Variants in AOPEP observed in about 807,000 individuals in gnomAD.
The protein encoded by AOPEP is aminopeptidase O (putative).
In AOPEP, 77 loss-of-function variants were observed where a neutral mutation model predicts 98.1. The ratio of observed to expected loss-of-function variants is 0.78; its 90% CI spans 0.65 to 0.95. The LOEUF is 0.95. AOPEP is among the 40% of genes least tolerant of loss of function. The pLI, the probability that AOPEP is intolerant of heterozygous loss-of-function variation, is 0.00. For synonymous variants in AOPEP, 346 were observed against 365.3 expected (o/e 0.95, Z 0.60); for missense variants, 1,024 against 1,024.7 (o/e 1.00, Z 0.01).
intron 9 of AOPEP, among the ~76,000 whole-genome samples, chr9:94,956,306 T>G (rs957459709): frequency 3.3e-5 from 5 of 152,226 alleles, no homozygotes; most frequent in Non-Finnish European, 7.3e-5. Context: ...TTTGGAAGAC[T>G]GCCTCCTTCT....
At chr9:94,838,110 G>A (rs10993365) in intron 5 of AOPEP, among the ~76,000 whole-genome samples, 48,733 of 151,848 alleles carry the variant, frequency 0.32, 8,695 homozygotes, top group Non-Finnish European at 0.42. Flanking sequence ...CTGGGTTCAC[G>A]CCATTCTCCT....
rs187271395 is a variant in AOPEP at position 94,738,582 on chromosome 9, A to T, written c.-136+11831A>T. ...CACGAGAAAAAAAATTATTATTATT[A>T]TTTTTTTTTGAGATGGAGTCTCGCT... On this transcript the variant is annotated intron_variant, in intron 1 of 16. Coordinates refer to ENST00000375315, the MANE Select transcript of AOPEP (RefSeq NM_001193329.3). Among the ~76,000 whole-genome samples the T allele has an allele frequency of 4.6e-3, 703 of 151,352 alleles. 1 individual carries two copies. Among genetic ancestry groups the T allele is most frequent in the Admixed American group, 7.5e-3 (114 of 15,184 alleles).
At chr9:95,111,109 G>A in the AOPEP span, 1 of 1,524,234 alleles carries the variant, frequency 6.6e-7, no homozygotes, top group Non-Finnish European at 8.8e-7. Flanking sequence ...TCTGCTGCCG[G>A]CACACCCCTC....
At chr9:94,949,624 A>G (rs1385455006) in intron 7 of AOPEP, among the ~76,000 whole-genome samples, 1 of 152,238 alleles carries the variant, frequency 6.6e-6, no homozygotes, top group Non-Finnish European at 1.5e-5. Context: ...TGAAAAGCAT[A>G]CAGACAGTCA....
rs372211235 is a variant in AOPEP, at chr9:94,990,590, C to T, written c.1977+11163C>T. Among the ~76,000 whole-genome samples the T allele has an allele frequency of 1.5e-3, 224 of 150,912 alleles. 1 individual carries two copies. The highest frequency in any genetic ancestry group is 5.0e-3 in the African/African-American group (205 of 40,962). Reference sequence around the variant, plus strand: ...TAAAGACATACTCTGGTAGACTCTTCGTCAAAAGCAGATTATTTAATTTAA... The same window carrying T: ...TAAAGACATACTCTGGTAGACTCTTTGTCAAAAGCAGATTATTTAATTTAA... On this transcript the variant is annotated intron_variant, in intron 11 of 16. Transcript: ENST00000375315.
intron 5 of AOPEP, chr9:94,920,323 C>CAA (rs910289482): frequency 2.1e-5 from 3 of 146,332 alleles, no homozygotes; most frequent in Non-Finnish European, 4.5e-5. Flanking sequence ...AACTCCGTCT[C>CAA]AAAAAAAAAA....
the AOPEP span, among the ~76,000 whole-genome samples, chr9:95,094,232 C>T: frequency 6.6e-6 from 1 of 152,092 alleles, no homozygotes; most frequent in African/African-American, 2.4e-5. Flanking sequence ...AGTGTGGATC[C>T]CTGCAGTCTG....
intron 10 of AOPEP, among the ~76,000 whole-genome samples, chr9:94,978,178 C>A (rs2059967553): frequency 6.6e-6 from 1 of 152,112 alleles, no homozygotes; most frequent in African/African-American, 2.4e-5. Flanking sequence ...GTGTGTGTAA[C>A]ACTGTATCTT....
At chr9:94,795,330 G>A (rs536729358) in intron 4 of AOPEP, among the ~76,000 whole-genome samples, 21 of 152,050 alleles carry the variant, frequency 1.4e-4, no homozygotes, top group Non-Finnish European at 2.4e-4. Context: ...ATTATTGACT[G>A]GAGTGTGTTG....
chr9:94,864,262 C>T (rs374567775), intron 5 of AOPEP, among the ~76,000 whole-genome samples: 2 of 152,068 alleles, frequency 1.3e-5, no homozygotes, highest in South Asian at 2.1e-4. Flanking sequence ...AATAAATGAA[C>T]GAAATAATTA....
chr9:94,966,932 G>T (rs933265696), intron 9 of AOPEP, among the ~76,000 whole-genome samples: 2 of 152,190 alleles, frequency 1.3e-5, no homozygotes, highest in African/African-American at 4.8e-5. Context: ...TGCTTTTGTG[G>T]TATGTTTTAA....
At position 94,927,085 on chromosome 9, in the gene AOPEP, G is replaced by A. The variant is rs574594749; in HGVS notation, c.1555-1340G>A. On this transcript the variant is annotated intron_variant, in intron 6 of 16. Transcript: ENST00000375315. ...CAAGGTGCCAGCAGGGTTGGTTTCT[G>A]GTGAGGCCCCTCACTCTTCCTGGCT... Among the ~76,000 whole-genome samples, 3 of 152,288 alleles carry A rather than the reference G, an allele frequency of 2.0e-5. No individual in the cohort carries two copies. In the East Asian group the frequency reaches 5.8e-4, roughly 29 times the overall value.
At chr9:95,102,914 A>AGCCC in the AOPEP span, among the ~76,000 whole-genome samples, 1 of 152,082 alleles carries the variant, frequency 6.6e-6, no homozygotes, top group Non-Finnish European at 1.5e-5. Flanking sequence ...GCCTGCAACG[A>AGCCC]GCCCGCCAGG....
Position 94,972,289 on chromosome 9 carries a change from T to A in AOPEP, c.1916+4488T>A, listed in dbSNP as rs2059584700. On this transcript the variant is annotated intron_variant, in intron 10 of 16. Transcript: ENST00000375315. The surrounding 1 kb of genome is among the most constrained non-coding windows in gnomAD (Gnocchi z 4.2). The stretch of plus-strand genomic sequence containing the variant: ...TGCAGGAGGGCAGGTGTTTGGGGAG[T>A]CTGAATGGGGCAGAGGGAGTGAAAG... Among the ~76,000 whole-genome samples the A allele has an allele frequency of 6.6e-6, 1 of 151,476 alleles. No homozygotes were observed. Among genetic ancestry groups the A allele is most frequent in the Admixed American group, 6.6e-5 (1 of 15,152 alleles).
At chr9:94,790,387 G>A (rs1169514345) in intron 3 of AOPEP, among the ~76,000 whole-genome samples, 1 of 151,664 alleles carries the variant, frequency 6.6e-6, no homozygotes, top group Non-Finnish European at 1.5e-5. Context: ...GGCTGGTCTC[G>A]AACTCCTGAC....
chr9:95,004,205 C>T (rs1160969677), intron 11 of AOPEP: 1 of 455,978 alleles, frequency 2.2e-6, no homozygotes, highest in Non-Finnish European at 4.4e-6. Context: ...CACCGGCAGG[C>T]GGGTTCCAGC....
chr9:94,813,434 C>T (rs1274970806), intron 5 of AOPEP, among the ~76,000 whole-genome samples: 1 of 152,200 alleles, frequency 6.6e-6, no homozygotes, highest in East Asian at 1.9e-4. Flanking sequence ...GATATGTCTC[C>T]TCTCACAAAC....
At chr9:94,977,148 T>A (rs2059899665) in intron 10 of AOPEP, among the ~76,000 whole-genome samples, 1 of 152,158 alleles carries the variant, frequency 6.6e-6, no homozygotes, top group Non-Finnish European at 1.5e-5. Flanking sequence ...TCATGAAATG[T>A]GTGAAGATGG....
At chr9:95,107,761 T>G in the AOPEP span, among the ~76,000 whole-genome samples, 1 of 152,078 alleles carries the variant, frequency 6.6e-6, no homozygotes, top group South Asian at 2.1e-4. Context: ...TGCACGCACG[T>G]GTACACAAGC....
Sources: allele counts gnomAD v4.1 joint callset (sites outside exome capture counted in the v4.1 genomes callset), GRCh38; gene constraint gnomAD v4.1.1; non-coding constraint Gnocchi (gnomAD v3.1); transcripts MANE v1.5; gene names NCBI Gene and HGNC (gene_info 2026-07-23, HGNC 2026-07-21).